The following TBL1X variants were observed in gnomAD, a reference collection of about 807,000 sequenced individuals.
The protein encoded by TBL1X is transducin beta like 1 X-linked, also known as F-box-like/WD repeat-containing protein TBL1X.
A neutral mutation model predicts 50.7 loss-of-function variants in TBL1X; 10 were observed. The ratio of observed to expected loss-of-function variants is 0.20; its 90% confidence interval spans 0.12 to 0.33. The LOEUF (loss-of-function observed/expected upper bound fraction) is 0.33, where lower values mean the gene tolerates loss of function less well. Among genes scored for constraint, TBL1X ranks in the 10% least tolerant of loss-of-function variants. TBL1X has a pLI of 1.00. For missense variants in TBL1X, 340 were observed against 504.4 expected, an observed-to-expected ratio of 0.67 and a Z score of 3.12; for synonymous variants, 190 against 214.7, an observed-to-expected ratio of 0.88 and a Z score of 1.01.
intron 2 of TBL1X, among the ~76,000 whole-genome samples, chrX:9,599,314 A>G (rs2082542728): frequency 8.9e-6 from 1 of 112,042 alleles, no homozygotes; most frequent in Non-Finnish European, 1.9e-5. Flanking sequence ...TTACATCTGC[A>G]AAGACCCTAT....
chrX:9,716,220 G>A lies in TBL1X; in HGVS notation c.1708G>A (p.Val570Met), dbSNP rs757442210. 1 of 1,210,516 alleles carries A rather than the reference G, an allele frequency of 8.3e-7. No individual in the cohort carries two copies. The highest frequency in any genetic ancestry group is 1.8e-5 in the South Asian group (1 of 56,815). ...ACAGGTGCTTTATCTTTCCTTCCAGGTGTGTGTTTTGGATCTGCGGAAGTA... is the reference window on the plus strand; with the variant it reads ...ACAGGTGCTTTATCTTTCCTTCCAGATGTGTGTTTTGGATCTGCGGAAGTA... ...KVGASASDGS[V>M]CVLDLRK The change falls in exon 18 of 18, where the codon GTG (valine) becomes ATG (methionine). Residue 570 changes from valine (V) to methionine (M), a missense_variant and splice_region_variant. Val to Met is a conservative substitution (Grantham distance 21, BLOSUM62 1). Coordinates refer to ENST00000645353, the MANE Select transcript of TBL1X (RefSeq NM_005647.4).
chrX:9,616,839 G>A (rs2082641659), intron 2 of TBL1X, among the ~76,000 whole-genome samples: 3 of 111,905 alleles, frequency 2.7e-5, no homozygotes, highest in Admixed American at 1.9e-4. Context: ...TCCATTTGGT[G>A]AAGATGATAC....
Position 9,626,174 on chromosome X carries a change from A to G in TBL1X, c.-130-14099A>G, listed in dbSNP as rs754857885. Among the ~76,000 whole-genome samples, 7 of 111,426 alleles carry G rather than the reference A, an allele frequency of 6.3e-5. No homozygotes were observed. In the South Asian group the frequency reaches 2.3e-3, roughly 37 times the overall value. ...GTCGCGTGTGTCTCTTTGTACCACA[A>G]TATCCTTGGACATACATATTCCTGA... On this transcript the variant is annotated intron_variant, in intron 2 of 17. Transcript: ENST00000645353.
intron 2 of TBL1X, among the ~76,000 whole-genome samples, chrX:9,515,463 CCA>C (rs1361708505): frequency 8.9e-6 from 1 of 112,286 alleles, no homozygotes; most frequent in Non-Finnish European, 1.9e-5. Context: ...GGCAAACACC[CCA>C]GAGTTCTGTA....
intron 3 of TBL1X, among the ~76,000 whole-genome samples, chrX:9,648,005 T>A (rs997008193): frequency 1.8e-5 from 2 of 111,567 alleles, no homozygotes; most frequent in Non-Finnish European, 3.8e-5. Flanking sequence ...TAGGGGCTAT[T>A]TGATACTCAG....
chrX:9,583,914 C>A (rs1349605090), intron 2 of TBL1X, among the ~76,000 whole-genome samples: 1 of 111,824 alleles, frequency 8.9e-6, no homozygotes, highest in African/African-American at 3.3e-5. Flanking sequence ...TGACCAGCAG[C>A]AGGCCATGAG....
intron 2 of TBL1X, among the ~76,000 whole-genome samples, chrX:9,575,244 G>A (rs773871202): frequency 9.0e-6 from 1 of 110,874 alleles, no homozygotes; most frequent in African/African-American, 3.3e-5. Flanking sequence ...GGGGAAACCC[G>A]CCCCCATGAC....
chrX:9,531,782 G>A (rs749446905), intron 2 of TBL1X, among the ~76,000 whole-genome samples: 1 of 109,265 alleles, frequency 9.2e-6, no homozygotes, highest in South Asian at 4.1e-4. Flanking sequence ...GCCCAGACTG[G>A]AGTACAGTGG....
At chrX:9,697,153 G>A (rs1235198739) in intron 11 of TBL1X, among the ~76,000 whole-genome samples, 1 of 112,324 alleles carries the variant, frequency 8.9e-6, no homozygotes, top group East Asian at 2.8e-4. Context: ...GCATGTTGGA[G>A]TTAAATATAA....
At chrX:9,713,839 T>C (rs192471259) in intron 16 of TBL1X, among the ~76,000 whole-genome samples, 31 of 110,854 alleles carry the variant, frequency 2.8e-4, no homozygotes, top group Non-Finnish European at 4.7e-4. Flanking sequence ...TCTCAGTTCA[T>C]GGAACACCAC....
chrX:9,590,176 C>T (rs1216520612), intron 2 of TBL1X, among the ~76,000 whole-genome samples: 1 of 111,360 alleles, frequency 9.0e-6, no homozygotes, highest in Non-Finnish European at 1.9e-5. Flanking sequence ...AAGGAGAAAC[C>T]GGTGAAATTG....
intron 2 of TBL1X, among the ~76,000 whole-genome samples, chrX:9,589,855 G>A (rs748011514): frequency 1.6e-4 from 18 of 110,834 alleles, no homozygotes; most frequent in Admixed American, 1.6e-3. Context: ...GTAGTGACAT[G>A]TGGGGAAGAA....
intron 5 of TBL1X, among the ~76,000 whole-genome samples, chrX:9,676,099 A>G (rs1229654074): frequency 8.9e-6 from 1 of 111,861 alleles, no homozygotes; most frequent in Non-Finnish European, 1.9e-5. Flanking sequence ...TCCGTCGTAA[A>G]TCTCTGGTTT....
At chrX:9,508,235 A>G (rs1420839364) in intron 2 of TBL1X, among the ~76,000 whole-genome samples, 1 of 112,477 alleles carries the variant, frequency 8.9e-6, no homozygotes, top group Non-Finnish European at 1.9e-5. Flanking sequence ...AGGAACTTAA[A>G]CATATTTACA....
intron 1 of TBL1X, among the ~76,000 whole-genome samples, chrX:9,474,981 C>T (rs1021171781): frequency 1.1e-4 from 12 of 112,176 alleles, no homozygotes; most frequent in African/African-American, 3.6e-4. Context: ...TCAAGCAATT[C>T]TCCTGCCTCA....
At chrX:9,681,228 G>A (rs895377408) in intron 5 of TBL1X, among the ~76,000 whole-genome samples, 3 of 112,223 alleles carry the variant, frequency 2.7e-5, no homozygotes, top group Non-Finnish European at 5.6e-5. Flanking sequence ...GCTGCCAGTG[G>A]TCTAGCTGAG....
chrX:9,525,677 G>A (rs1189165239), intron 2 of TBL1X, among the ~76,000 whole-genome samples: 1 of 112,295 alleles, frequency 8.9e-6, no homozygotes, highest in Admixed American at 9.4e-5. Flanking sequence ...TTATGAGCAG[G>A]AGGAAATAAC....
chrX:9,520,403 G>A (rs189684379), intron 2 of TBL1X, among the ~76,000 whole-genome samples: 1 of 111,437 alleles, frequency 9.0e-6, no homozygotes, highest in Admixed American at 9.6e-5. Context: ...TTGGAAATGG[G>A]GCTGAGAGCT....
chrX:9,491,163 G>T (rs1342003681), intron 1 of TBL1X, among the ~76,000 whole-genome samples: 1 of 105,712 alleles, frequency 9.5e-6, no homozygotes, highest in Non-Finnish European at 1.9e-5. Context: ...AATTGTTTTT[G>T]TAGAGATGGG....
Sources: allele counts gnomAD v4.1 joint callset (sites outside exome capture counted in the v4.1 genomes callset), GRCh38; gene constraint gnomAD v4.1.1; transcripts MANE v1.5; gene names NCBI Gene and HGNC (gene_info 2026-07-23, HGNC 2026-07-21).